The following PCDH15 variants were observed in gnomAD, a reference collection of about 807,000 sequenced individuals.
The protein encoded by PCDH15 is protocadherin-15.
A neutral mutation model predicts 178.5 loss-of-function variants in PCDH15; 129 were observed. The observed-to-expected ratio is 0.72, with a 90% CI of 0.63 to 0.84. The LOEUF (loss-of-function observed/expected upper bound fraction) is 0.84, where lower values mean the gene tolerates loss of function less well. Ranked by LOEUF, PCDH15 falls within the 40% of genes least tolerant of loss-of-function variation. PCDH15 has a pLI of 0.00. For missense variants in PCDH15, 2,230 were observed against 2,099.9 expected (o/e 1.06, Z -1.21); for synonymous variants, 800 against 732.0 (o/e 1.09, Z -1.50).
chr10:54,435,065 T>C (rs147824458), intron 3 of PCDH15, among the ~76,000 whole-genome samples: 27 of 152,340 alleles, frequency 1.8e-4, no homozygotes, highest in Non-Finnish European at 3.1e-4. Flanking sequence ...TCTTACTTCC[T>C]CTTTTTAAAA....
At chr10:54,959,011 C>T (rs1352454651) in intron 2 of PCDH15, among the ~76,000 whole-genome samples, 4 of 151,720 alleles carry the variant, frequency 2.6e-5, no homozygotes, top group Non-Finnish European at 5.9e-5. Context: ...CTAATGGATG[C>T]CTTTTATTCA....
chr10:55,477,058 T>C (rs1442699570), intron 2 of PCDH15, among the ~76,000 whole-genome samples: 2 of 151,910 alleles, frequency 1.3e-5, no homozygotes, highest in African/African-American at 4.8e-5. Context: ...CAATAATACC[T>C]TAATTATTTG....
intron 1 of PCDH15, among the ~76,000 whole-genome samples, chr10:55,258,039 A>G (rs1031580668): frequency 1.3e-5 from 2 of 152,320 alleles, no homozygotes; most frequent in East Asian, 3.9e-4. Flanking sequence ...CAGAAACTCT[A>G]CAAGTCTTTT....
intron 2 of PCDH15, among the ~76,000 whole-genome samples, chr10:55,553,913 G>A (rs1842043576): frequency 6.6e-6 from 1 of 151,868 alleles, no homozygotes; most frequent in South Asian, 2.1e-4. Context: ...ACTCAATTTG[G>A]AAATGTTAAA....
intron 2 of PCDH15, among the ~76,000 whole-genome samples, chr10:54,625,004 T>C (rs976578802): frequency 5.9e-5 from 9 of 152,122 alleles, no homozygotes; most frequent in African/African-American, 2.2e-4. Context: ...TGAATTGTCC[T>C]AAAATCATCC....
At chr10:54,658,602 T>G (rs2135351168) in intron 2 of PCDH15, among the ~76,000 whole-genome samples, 1 of 152,252 alleles carries the variant, frequency 6.6e-6, no homozygotes, top group Non-Finnish European at 1.5e-5. Context: ...AAGGGAAATT[T>G]TCACCCATAG....
At chr10:55,285,579 C>G (rs1339584742) in intron 1 of PCDH15, among the ~76,000 whole-genome samples, 1 of 151,510 alleles carries the variant, frequency 6.6e-6, no homozygotes, top group African/African-American at 2.4e-5. Context: ...AATTTATAGA[C>G]TTCTTTTATG....
intron 3 of PCDH15, among the ~76,000 whole-genome samples, chr10:54,896,087 A>G (rs1350813664): frequency 6.6e-6 from 1 of 152,034 alleles, no homozygotes; most frequent in Admixed American, 6.6e-5. Context: ...GGGTTTCACT[A>G]TGTTGGCCAG....
chr10:54,618,613 T>C (rs1346527717), intron 2 of PCDH15, among the ~76,000 whole-genome samples: 1 of 152,114 alleles, frequency 6.6e-6, no homozygotes, highest in East Asian at 1.9e-4. Context: ...TCTCTGTATG[T>C]AAATAGACAT....
chr10:55,294,200 A>G (rs2045264895), intron 1 of PCDH15, among the ~76,000 whole-genome samples: 1 of 152,162 alleles, frequency 6.6e-6, no homozygotes, highest in Admixed American at 6.5e-5. Context: ...CACTATAACA[A>G]GAACAAAACA....
chr10:54,661,043 T>C (rs535016581), intron 2 of PCDH15, among the ~76,000 whole-genome samples: 1 of 151,746 alleles, frequency 6.6e-6, no homozygotes, highest in East Asian at 1.9e-4. Context: ...GGATGGCCAC[T>C]CTCAGCAATC....
intron 8 of PCDH15, among the ~76,000 whole-genome samples, chr10:54,239,145 T>C: frequency 6.6e-6 from 1 of 152,074 alleles, no homozygotes; most frequent in East Asian, 1.9e-4. Flanking sequence ...ATCACAATAT[T>C]TGAGGATATG....
intron 1 of PCDH15, among the ~76,000 whole-genome samples, chr10:55,229,730 C>A (rs1841157734): frequency 6.6e-6 from 1 of 151,982 alleles, no homozygotes; most frequent in East Asian, 1.9e-4. Flanking sequence ...ATCCTGCAGG[C>A]TTAAGAGAAA....
At chr10:54,070,895 C>G (rs2094228569) in intron 17 of PCDH15, among the ~76,000 whole-genome samples, 1 of 151,894 alleles carries the variant, frequency 6.6e-6, no homozygotes, top group African/African-American at 2.4e-5. Flanking sequence ...TCCAGCTCAT[C>G]TTTTGTTTTT....
chr10:53,943,873 C>T (rs2086293319), intron 23 of PCDH15, among the ~76,000 whole-genome samples: 1 of 151,934 alleles, frequency 6.6e-6, no homozygotes, highest in Admixed American at 6.6e-5. Flanking sequence ...CAATTATTTT[C>T]TATTTTTTGG....
chr10:54,619,777 C>T (rs79185544), intron 2 of PCDH15, among the ~76,000 whole-genome samples: 5,761 of 152,102 alleles, frequency 0.038, 341 homozygotes, highest in African/African-American at 0.13. Context: ...CAAATTTACA[C>T]TATTTTTCTA....
intron 2 of PCDH15, among the ~76,000 whole-genome samples, chr10:55,589,081 CAAAAA>C (rs35940637): frequency 8.6e-5 from 7 of 81,168 alleles, no homozygotes; most frequent in Non-Finnish European, 1.5e-4. Context: ...AATTCCGTGT[CAAAAA>C]AAAAAAAAAA....
intron 20 of PCDH15, among the ~76,000 whole-genome samples, chr10:54,003,736 CAAAA>C (rs55871741): frequency 0.32 from 24,458 of 76,486 alleles, 1,959 homozygotes; most frequent in Middle Eastern, 0.41. Context: ...CAAACTATTC[CAAAA>C]AAAAAAAAAA....
At position 54,079,420 on chromosome 10, in the gene PCDH15, C is replaced by T. The variant is rs1051206153; in HGVS notation, c.2002G>A (p.Gly668Arg). 7 of 1,613,674 alleles carry T rather than the reference C, an allele frequency of 4.3e-6. No individual in the cohort carries two copies. The highest frequency in any genetic ancestry group is 4.2e-6 in the Non-Finnish European group (5 of 1,179,734). Reference protein sequence around the residue: ...QRVFNLSETTGILTLGKALDR... With the variant: ...QRVFNLSETTRILTLGKALDR... ...AGTGCTTTCCCTAAGGTTAGAATCCCCGTGCTAGTGACAAAACAAACAAAC... is the reference window on the plus strand; with the variant it reads ...AGTGCTTTCCCTAAGGTTAGAATCCTCGTGCTAGTGACAAAACAAACAAAC... Residue 668 changes from glycine to arginine, a missense_variant, in exon 17 of 38, where the codon GGG becomes AGG. Gly to Arg is a moderately radical substitution (Grantham distance 125). Coordinates refer to ENST00000644397, the MANE Select transcript of PCDH15 (RefSeq NM_001384140.1).
Sources: allele counts gnomAD v4.1 joint callset (sites outside exome capture counted in the v4.1 genomes callset), GRCh38; gene constraint gnomAD v4.1.1; transcripts MANE v1.5; gene names NCBI Gene and HGNC (gene_info 2026-07-23, HGNC 2026-07-21).